COG1: variants seen among roughly 807,000 people sequenced by gnomAD.
The protein encoded by COG1 is component of oligomeric golgi complex 1, also known as conserved oligomeric Golgi complex subunit 1.
Under a neutral mutation model 102.2 loss-of-function variants are expected in COG1, and 61 were observed. The observed-to-expected ratio is 0.60, with a 90% CI of 0.49 to 0.74. COG1 has a LOEUF of 0.74. Among genes scored for constraint, COG1 ranks in the 30% least tolerant of loss-of-function variants. COG1 has a pLI of 0.00. For missense variants in COG1, 1,164 were observed against 1,232.1 expected (o/e 0.94, Z 0.83); for synonymous variants, 454 against 493.6 (o/e 0.92, Z 1.06).
In COG1 at chr17:73,193,106, C is replaced by A; in HGVS notation, c.37C>A (p.Leu13Met). 1.2e-6 allele frequency: 2 copies of A among 1,612,072 alleles called. No individual in the cohort carries two copies. Among genetic ancestry groups the A allele is most frequent in the Non-Finnish European group, 1.7e-6 (2 of 1,179,634 alleles). ...TAATSPALKR[L>M]DLRDPAALFE... Reference sequence around the variant, plus strand: ...GGCAACCTCACCCGCGCTGAAGCGGCTGGATCTGCGCGACCCTGCGGCTCT... The same window carrying A: ...GGCAACCTCACCCGCGCTGAAGCGGATGGATCTGCGCGACCCTGCGGCTCT... The change falls in exon 1 of 14, where the codon CTG (leucine) becomes ATG (methionine). Residue 13 changes from leucine (L) to methionine (M), a missense_variant. Leu to Met is a conservative substitution (Grantham distance 15). Coordinates refer to ENST00000299886, the MANE Select transcript of COG1 (RefSeq NM_018714.3).
At chr17:73,207,983 C>G in intron 13 of COG1, 1 of 1,264,048 alleles carries the variant, frequency 7.9e-7, no homozygotes, top group Non-Finnish European at 1.0e-6. Context: ...TAAGCATGGG[C>G]TATGTTGCAG....
Position 73,206,742 on chromosome 17 carries a change from A to G in COG1, c.2654A>G (p.Gln885Arg). The change falls in exon 12 of 14, where the codon CAG becomes CGG. Residue 885 changes from glutamine (Q) to arginine (R), a missense_variant. Coordinates refer to ENST00000299886, the MANE Select transcript of COG1 (RefSeq NM_018714.3). ...LFGLVTGTEN[Q>R]LAPRSSTFNS... ...GGATTGGTGACTGGTACAGAGAATCAGCTCGCCCCCCGGAGCAGTACGTTC... is the reference window on the plus strand; with the variant it reads ...GGATTGGTGACTGGTACAGAGAATCGGCTCGCCCCCCGGAGCAGTACGTTC... 1 of 1,612,008 alleles carries G rather than the reference A, an allele frequency of 6.2e-7. No homozygotes were observed. The highest frequency in any genetic ancestry group is 1.1e-5 in the South Asian group (1 of 91,024).
intron 1 of COG1, among the ~76,000 whole-genome samples, chr17:73,196,214 T>C (rs938689306): frequency 3.3e-5 from 5 of 152,244 alleles, no homozygotes; most frequent in African/African-American, 9.6e-5. Flanking sequence ...ACATCTCATG[T>C]TGAATTATAA....
At position 73,196,777 on chromosome 17, in the gene COG1, G is replaced by A. The variant is rs576249812; in HGVS notation, c.560+26G>A. 27 of 1,614,086 alleles carry A rather than the reference G, an allele frequency of 1.7e-5. No individual in the cohort carries two copies. In the South Asian group the frequency reaches 2.9e-4, roughly 17 times the overall value. On this transcript the variant is annotated intron_variant, in intron 2 of 13. Coordinates refer to ENST00000299886, the MANE Select transcript of COG1 (RefSeq NM_018714.3). ...GTAAGTGGATCCAGCGCAAAGAGCT[G>A]CTCTGGTGGTGGCCAGGCTTCACAT...
Position 73,196,622 on chromosome 17 carries a change from C to A in COG1, c.431C>A (p.Thr144Lys). The change falls in exon 2 of 14, where the codon ACA (threonine) becomes AAA (lysine). Residue 144 changes from threonine to lysine, a missense_variant. Physicochemically the swap from Thr to Lys is moderately conservative, Grantham distance 78. Transcript: ENST00000299886. ...GAAGCCTCTCAGTGTCTCCACGCCA[C>A]ACAGCTCTACCTGCTCTGCTGCCAC... ...SMEASQCLHA[T>K]QLYLLCCHLH... 1.2e-6 allele frequency: 2 copies of A among 1,614,232 alleles called. No individual in the cohort carries two copies. Among genetic ancestry groups the A allele is most frequent in the Non-Finnish European group, 1.7e-6 (2 of 1,180,044 alleles).
chr17:73,200,157 A>C, intron 5 of COG1, 136 bp downstream of exon 5: 1 of 1,076,740 alleles, frequency 9.3e-7, no homozygotes, highest in Non-Finnish European at 1.4e-6. Flanking sequence ...CCAGCCTCTC[A>C]CTCTGTGACC....
chr17:73,205,469 C>G, intron 9 of COG1, 84 bp from the exon 10 acceptor site: 2 of 1,491,404 alleles, frequency 1.3e-6, no homozygotes, highest in Admixed American at 1.7e-5. Flanking sequence ...CAAGCTGAAA[C>G]TCAACCAAAA....
chr17:73,199,996 G>C lies in COG1; in HGVS notation c.1045G>C (p.Asp349His). 2 of 1,613,606 alleles carry C rather than the reference G, an allele frequency of 1.2e-6. No homozygotes were observed. The highest frequency in any genetic ancestry group is 1.3e-5 in the African/African-American group (1 of 75,046). ...AHPISQEYLK[D>H]TLQKWIHMCN... ...TCCCATCAGTCAGGAATACCTGAAA[G>C]ACACGCTGCAGAAATGGATCCACAT... The change falls in exon 5 of 14, where the codon GAC becomes CAC. Residue 349 changes from aspartate (D) to histidine (H), a missense_variant. By Grantham distance (81) the Asp-to-His change is moderately conservative. Coordinates refer to ENST00000299886, the MANE Select transcript of COG1 (RefSeq NM_018714.3).
At chr17:73,197,610 T>C (rs147715260) in intron 4 of COG1, among the ~76,000 whole-genome samples, 45 of 152,326 alleles carry the variant, frequency 3.0e-4, no homozygotes, top group African/African-American at 9.9e-4. Context: ...ATATTGGTCA[T>C]TGCTAGAAAG....
In COG1 at chr17:73,208,224, G is replaced by A. The variant is rs975248419; in HGVS notation, c.2806-90G>A. 34 of 1,603,814 alleles carry A rather than the reference G, an allele frequency of 2.1e-5. No individual in the cohort carries two copies. The East Asian group carries it at 4.2e-4, about 20-fold the overall frequency. ...CTTCTCAGCTCCGCTTGTGTGTGCC[G>A]TGTGGACTCCGAGTGGCGTCGCGCG... On this transcript the variant is annotated intron_variant, in intron 13 of 13. Coordinates refer to ENST00000299886, the MANE Select transcript of COG1 (RefSeq NM_018714.3).
chr17:73,206,323 T>C (rs1012565277), intron 11 of COG1, 61 bp downstream of exon 11: 2 of 1,311,460 alleles, frequency 1.5e-6, no homozygotes, highest in African/African-American at 2.9e-5. Flanking sequence ...AATAACAAAA[T>C]TAACCTGCTC....
At chr17:73,199,783 A>G in intron 4 of COG1, 82 bp from the exon 5 acceptor site, 1 of 1,562,486 alleles carries the variant, frequency 6.4e-7, no homozygotes, top group East Asian at 2.2e-5. Flanking sequence ...TGTGTTGCCC[A>G]AGCTGGCCTG....
intron 5 of COG1, 109 bp from the exon 6 acceptor site, chr17:73,200,457 C>A: frequency 1.0e-6 from 1 of 993,348 alleles, no homozygotes; most frequent in Admixed American, 1.7e-5. Context: ...AGATATTTAT[C>A]TACTGGAACT....
At chr17:73,202,879 T>A in intron 7 of COG1, 121 bp from the exon 8 acceptor site, 5 of 1,059,102 alleles carry the variant, frequency 4.7e-6, no homozygotes, top group Non-Finnish European at 7.3e-6. Context: ...AGAGGACTGA[T>A]ACCATCACTG....
At chr17:73,193,461 CCT>C in intron 1 of COG1, 77 bp downstream of exon 1, 5 of 1,358,766 alleles carry the variant, frequency 3.7e-6, no homozygotes, top group Non-Finnish European at 4.7e-6. Context: ...ACCCCGCCCC[CCT>C]CTGTCAGTCC....
At chr17:73,207,885 C>T in intron 13 of COG1, 1 of 1,186,466 alleles carries the variant, frequency 8.4e-7, no homozygotes, top group Non-Finnish European at 1.1e-6. Context: ...CCATTAAGAT[C>T]TAAAATCCTT....
At chr17:73,205,532 G>C (rs1198891810) in intron 9 of COG1, 21 bp from the exon 10 acceptor site, 1 of 1,613,972 alleles carries the variant, frequency 6.2e-7, no homozygotes, top group Non-Finnish European at 8.5e-7. Flanking sequence ...TCATGGGTGG[G>C]GACTGGGAAT....
At chr17:73,206,043 C>G (rs539914172) in intron 10 of COG1, 111 bp from the exon 11 acceptor site, 2 of 903,214 alleles carry the variant, frequency 2.2e-6, no homozygotes, top group South Asian at 2.7e-5. Context: ...ACTAAGCCAG[C>G]AACTAAGTAG....
Position 73,201,432 on chromosome 17 carries a change from C to T in COG1, c.1605C>T (p.Tyr535=), listed in dbSNP as rs1266275652. The T allele has an allele frequency of 6.2e-7, 1 of 1,614,268 alleles. No individual in the cohort carries two copies. Among genetic ancestry groups the T allele is most frequent in the African/African-American group, 1.3e-5 (1 of 75,078 alleles). The change falls in exon 7 of 14, where the codon TAC becomes TAT. Residue 535 remains tyrosine, a synonymous_variant. Coordinates refer to ENST00000299886, the MANE Select transcript of COG1 (RefSeq NM_018714.3). ...TTAAACTAGATGACCTCCTGGCTTA[C>T]CTCCCCTCTGATGACTCATCACTGC... ...LKVKLDDLLA[Y]LPSDDSSLPK...
Sources: allele counts gnomAD v4.1 joint callset (sites outside exome capture counted in the v4.1 genomes callset), GRCh38; gene constraint gnomAD v4.1.1; transcripts MANE v1.5; gene names NCBI Gene and HGNC (gene_info 2026-07-23, HGNC 2026-07-21).